The following DTNBP1 variants were observed in gnomAD, a reference collection of about 807,000 sequenced individuals.
DTNBP1 encodes dystrobrevin binding protein 1.
A neutral mutation model predicts 42.8 loss-of-function variants in DTNBP1; 35 were observed. That is an observed-to-expected ratio of 0.82 (90% CI 0.63 to 1.09). The LOEUF (loss-of-function observed/expected upper bound fraction) is 1.09, where lower values mean the gene tolerates loss of function less well. Among genes scored for constraint, DTNBP1 ranks in the 50% least tolerant of loss-of-function variants. DTNBP1 has a pLI of 0.00. For missense variants in DTNBP1, 457 were observed against 424.2 expected (o/e 1.08, Z -0.68); for synonymous variants, 171 against 162.2 (o/e 1.05, Z -0.41).
rs531490790 is a variant in DTNBP1, at chr6:15,542,364, GTTTTGTT to G, written c.512-8976_512-8970del. ...TTTTAAAAATTGGGACCTATGATTT[GTTTTGTT>G]TTTTGTTTTTTGTTTTTTTTAGACG... On this transcript the variant is annotated intron_variant, in intron 7 of 9. Transcript: ENST00000344537. Among the ~76,000 whole-genome samples, 313 of 152,034 alleles carry G rather than the reference GTTTTGTT, an allele frequency of 2.1e-3. 3 individuals carry two copies. In the Middle Eastern group the frequency reaches 0.024, roughly 12 times the overall value.
intron 4 of DTNBP1, among the ~76,000 whole-genome samples, chr6:15,634,428 T>C (rs1191158977): frequency 6.6e-6 from 1 of 152,164 alleles, no homozygotes; most frequent in East Asian, 1.9e-4. Flanking sequence ...GTGATTCTCC[T>C]GTCTCAGCCT....
At chr6:15,527,063 CAAAT>C (rs770790251) in intron 8 of DTNBP1, among the ~76,000 whole-genome samples, 25 of 151,900 alleles carry the variant, frequency 1.6e-4, no homozygotes, top group Non-Finnish European at 2.4e-4. Context: ...AATGAGGAAA[CAAAT>C]AATTAAGAAG....
chr6:15,549,353 C>T (rs962611730), intron 7 of DTNBP1, among the ~76,000 whole-genome samples: 16 of 151,914 alleles, frequency 1.1e-4, no homozygotes, highest in Admixed American at 6.6e-4. Flanking sequence ...GGCGTGGTGG[C>T]GGGTGCCTGT....
intron 7 of DTNBP1, among the ~76,000 whole-genome samples, chr6:15,568,744 T>C (rs1205290132): frequency 2.6e-5 from 4 of 152,224 alleles, no homozygotes; most frequent in Non-Finnish European, 5.9e-5. Flanking sequence ...TTTGTCCTTA[T>C]AATTTTCTTA....
At chr6:15,660,324 A>C in intron 1 of DTNBP1, 1 of 1,285,038 alleles carries the variant, frequency 7.8e-7, no homozygotes, top group Non-Finnish European at 1.0e-6. Flanking sequence ...AAGGAGGTTG[A>C]TCTCAAGCTG....
chr6:15,635,630 T>C (rs994239019), intron 4 of DTNBP1, among the ~76,000 whole-genome samples: 4 of 152,246 alleles, frequency 2.6e-5, no homozygotes, highest in African/African-American at 9.6e-5. Flanking sequence ...ATTTTACAGA[T>C]AAAAATTCAT....
chr6:15,532,723 A>T (rs1772942059), intron 8 of DTNBP1, among the ~76,000 whole-genome samples: 1 of 76,282 alleles, frequency 1.3e-5, no homozygotes. Flanking sequence ...TTTTTTTGAG[A>T]CAGTCTCACT....
chr6:15,602,769 T>C (rs2113660077), intron 6 of DTNBP1, among the ~76,000 whole-genome samples: 1 of 152,368 alleles, frequency 6.6e-6, no homozygotes, highest in South Asian at 2.1e-4. Context: ...TCGAGATTGC[T>C]ATATCTTTAG....
intron 3 of DTNBP1, among the ~76,000 whole-genome samples, chr6:15,648,227 A>G (rs1214959104): frequency 6.6e-6 from 1 of 151,976 alleles, no homozygotes; most frequent in Non-Finnish European, 1.5e-5. Flanking sequence ...TGATAAAAAC[A>G]CTAAAGTAGA....
chr6:15,613,311 A>G (rs1758520300), intron 6 of DTNBP1, among the ~76,000 whole-genome samples: 2 of 145,498 alleles, frequency 1.4e-5, no homozygotes, highest in South Asian at 2.2e-4. Context: ...CTCAAAAAAA[A>G]AAAAAAAAAA....
At chr6:15,590,047 C>G (rs1339626683) in intron 7 of DTNBP1, among the ~76,000 whole-genome samples, 1 of 152,204 alleles carries the variant, frequency 6.6e-6, no homozygotes, top group Admixed American at 6.5e-5. Context: ...ATTCTCATGC[C>G]CCAGCCTCCC....
chr6:15,584,985 C>T (rs1426194737), intron 7 of DTNBP1, among the ~76,000 whole-genome samples: 8 of 144,256 alleles, frequency 5.5e-5, no homozygotes, highest in African/African-American at 2.0e-4. Flanking sequence ...ATATAAATAC[C>T]ACACAGAGAT....
intron 8 of DTNBP1, among the ~76,000 whole-genome samples, chr6:15,531,727 G>A (rs941943090): frequency 2.0e-5 from 3 of 152,060 alleles, no homozygotes; most frequent in Admixed American, 1.3e-4. Context: ...TCTGCCTCCC[G>A]GGTTCAAGTG....
intron 1 of DTNBP1, among the ~76,000 whole-genome samples, chr6:15,662,442 G>A (rs1249671091): frequency 6.6e-6 from 1 of 152,214 alleles, no homozygotes; most frequent in Non-Finnish European, 1.5e-5. Flanking sequence ...AGGGGCGCAG[G>A]CCACTGTGCC....
intron 6 of DTNBP1, among the ~76,000 whole-genome samples, chr6:15,601,465 A>T (rs1364035044): frequency 6.6e-6 from 1 of 152,222 alleles, no homozygotes; most frequent in Non-Finnish European, 1.5e-5. Context: ...AAATATTGGG[A>T]TCAACTAATA....
intron 8 of DTNBP1, among the ~76,000 whole-genome samples, chr6:15,526,358 G>A (rs1175003517): frequency 2.0e-5 from 3 of 152,236 alleles, no homozygotes; most frequent in Non-Finnish European, 4.4e-5. Context: ...AGACACGGGG[G>A]TGGAGAGGAG....
At chr6:15,553,910 CCTAGGAAGGAT>C (rs994442170) in intron 7 of DTNBP1, among the ~76,000 whole-genome samples, 1 of 152,076 alleles carries the variant, frequency 6.6e-6, no homozygotes, top group African/African-American at 2.4e-5. Context: ...AGGCATAAAA[CCTAGGAAGGAT>C]CTTCTCATTT....
intron 3 of DTNBP1, among the ~76,000 whole-genome samples, chr6:15,643,474 C>T (rs542728082): frequency 6.6e-6 from 1 of 152,060 alleles, no homozygotes. Context: ...AAGATGACAT[C>T]CCCGAGACAA....
At chr6:15,532,747 C>T (rs1411361743) in intron 8 of DTNBP1, among the ~76,000 whole-genome samples, 4 of 140,770 alleles carry the variant, frequency 2.8e-5, no homozygotes, top group African/African-American at 5.4e-5. Context: ...CCACCTAGGC[C>T]GGAGTGCAGT....
Sources: allele counts gnomAD v4.1 joint callset (sites outside exome capture counted in the v4.1 genomes callset), GRCh38; gene constraint gnomAD v4.1.1; transcripts MANE v1.5; gene names NCBI Gene and HGNC (gene_info 2026-07-23, HGNC 2026-07-21).